Variants in GRM5 observed in about 807,000 individuals in gnomAD.
GRM5 encodes the protein metabotropic glutamate receptor 5.
A neutral mutation model predicts 83.1 loss-of-function variants in GRM5; 19 were observed. The ratio of observed to expected loss-of-function variants is 0.23; its 90% CI spans 0.16 to 0.34. The LOEUF (loss-of-function observed/expected upper bound fraction) is 0.34. Ranked by LOEUF, GRM5 falls within the 10% of genes least tolerant of loss-of-function variation. The pLI, the probability that GRM5 is intolerant of heterozygous loss-of-function variation, is 1.00. For missense variants in GRM5, 1,160 were observed against 1,588.3 expected, an observed-to-expected ratio of 0.73 and a Z score of 4.58; for synonymous variants, 675 against 633.6, an observed-to-expected ratio of 1.07 and a Z score of -0.98.
intron 3 of GRM5, among the ~76,000 whole-genome samples, chr11:88,661,377 T>C (rs1939901092): frequency 6.6e-6 from 1 of 152,150 alleles, no homozygotes; most frequent in South Asian, 2.1e-4. Context: ...GCTGAGTTGA[T>C]TCCCCCGTGC....
chr11:88,877,952 A>T (rs992156057), intron 2 of GRM5, among the ~76,000 whole-genome samples: 2 of 152,134 alleles, frequency 1.3e-5, no homozygotes, highest in African/African-American at 4.8e-5. Flanking sequence ...ACATGTATAC[A>T]TATGTAACTA....
In GRM5 at chr11:88,630,803, C is replaced by T. The variant is rs111406777; in HGVS notation, c.1147+22365G>A. Among the ~76,000 whole-genome samples, 563 of 152,254 alleles carry T rather than the reference C, an allele frequency of 3.7e-3. 7 individuals are homozygous for T. The highest frequency in any genetic ancestry group is 0.013 in the African/African-American group (533 of 41,542). ...ATGTTGGTCAGGCTGGTCTCGAACT[C>T]GTGACCTCAGGTGATTTGCCCACCT... is the stretch of plus-strand genomic sequence containing the variant. On this transcript the variant is annotated intron_variant, in intron 4 of 9. Coordinates refer to ENST00000305447, the MANE Select transcript of GRM5 (RefSeq NM_001143831.3).
At position 88,865,494 on chromosome 11, in the gene GRM5, G is replaced by A. The variant is rs573852359; in HGVS notation, c.662-15339C>T. On this transcript the variant is annotated intron_variant, in intron 2 of 9. Transcript: ENST00000305447. ...CTAGGCAATACCATTCAGGACATAGGCATGGGCAAAGACTTCATGACTAAA... is the reference window on the plus strand; with the variant it reads ...CTAGGCAATACCATTCAGGACATAGACATGGGCAAAGACTTCATGACTAAA... Among the ~76,000 whole-genome samples, 35 of 152,214 alleles carry A rather than the reference G, an allele frequency of 2.3e-4. No homozygotes were observed. The South Asian group carries it at 7.0e-3, about 31-fold the overall frequency.
chr11:88,573,291 T>C (rs1489272261), intron 7 of GRM5, among the ~76,000 whole-genome samples: 1 of 152,200 alleles, frequency 6.6e-6, no homozygotes, highest in Non-Finnish European at 1.5e-5. Context: ...GAATGGATGA[T>C]CTACTGATTT....
intron 3 of GRM5, among the ~76,000 whole-genome samples, chr11:88,841,830 T>A (rs1362892848): frequency 6.6e-6 from 1 of 152,136 alleles, no homozygotes; most frequent in African/African-American, 2.4e-5. Flanking sequence ...GATAAAAAAA[T>A]GTGCAATAAT....
chr11:88,681,983 A>G (rs1565184541), intron 3 of GRM5, among the ~76,000 whole-genome samples: 1 of 152,168 alleles, frequency 6.6e-6, no homozygotes, highest in Non-Finnish European at 1.5e-5. Context: ...CACCGACTAT[A>G]CTACCACACA....
intron 3 of GRM5, among the ~76,000 whole-genome samples, chr11:88,818,468 T>A (rs2135506302): frequency 6.6e-6 from 1 of 152,258 alleles, no homozygotes; most frequent in African/African-American, 2.4e-5. Context: ...AGCAGAATGA[T>A]GAATACATCT....
At chr11:88,975,744 A>C (rs1188386043) in intron 2 of GRM5, among the ~76,000 whole-genome samples, 1 of 152,166 alleles carries the variant, frequency 6.6e-6, no homozygotes, top group East Asian at 1.9e-4. Flanking sequence ...ATTATATAAC[A>C]TGTTGTTTCA....
rs1937791567 is a variant in GRM5, at chr11:88,595,971, C to G, written c.1563+1213G>C. ...AGCTTCAACTTTAACTCTATTCAAT[C>G]AATTCCTAAATCTGTATTCTTAGCT... On this transcript the variant is annotated intron_variant, in intron 6 of 9. Transcript: ENST00000305447. Among the ~76,000 whole-genome samples, 5 of 152,128 alleles carry G rather than the reference C, an allele frequency of 3.3e-5. No homozygotes were observed. The South Asian group carries it at 1.0e-3, about 32-fold the overall frequency.
chr11:88,823,922 CTT>C (rs1457934954), intron 3 of GRM5, among the ~76,000 whole-genome samples: 1 of 152,114 alleles, frequency 6.6e-6, no homozygotes, highest in African/African-American at 2.4e-5. Flanking sequence ...CTTAAACAAA[CTT>C]TTTATTATTC....
At chr11:88,937,783 G>A (rs566709456) in intron 2 of GRM5, among the ~76,000 whole-genome samples, 78 of 151,722 alleles carry the variant, frequency 5.1e-4, no homozygotes, top group African/African-American at 1.9e-3. Flanking sequence ...AATTAGAAGA[G>A]GTGTTTGTTA....
At chr11:89,042,566 G>A (rs1037692442) in intron 2 of GRM5, among the ~76,000 whole-genome samples, 1 of 152,096 alleles carries the variant, frequency 6.6e-6, no homozygotes, top group African/African-American at 2.4e-5. Context: ...CCCAAAATTT[G>A]TTTTAACTCT....
At chr11:88,815,979 C>T (rs947416662) in intron 3 of GRM5, among the ~76,000 whole-genome samples, 1 of 149,976 alleles carries the variant, frequency 6.7e-6, no homozygotes, top group Non-Finnish European at 1.5e-5. Flanking sequence ...TTTGGGAGGC[C>T]GAGGCGGGTG....
chr11:88,692,378 A>G (rs1031008064), intron 3 of GRM5, among the ~76,000 whole-genome samples: 2 of 152,208 alleles, frequency 1.3e-5, no homozygotes, highest in Non-Finnish European at 2.9e-5. Context: ...AGATGCATTA[A>G]TGGATGAATG....
At chr11:88,900,719 G>A (rs1303701203) in intron 2 of GRM5, among the ~76,000 whole-genome samples, 2 of 152,040 alleles carry the variant, frequency 1.3e-5, no homozygotes, top group African/African-American at 4.8e-5. Context: ...AGATGGCTAG[G>A]ACTTAGTTTC....
chr11:89,021,568 G>T (rs1394905255), intron 2 of GRM5, among the ~76,000 whole-genome samples: 1 of 152,188 alleles, frequency 6.6e-6, no homozygotes, highest in Non-Finnish European at 1.5e-5. Context: ...GTTTTCAAGT[G>T]CAGGCAGTCA....
intron 2 of GRM5, among the ~76,000 whole-genome samples, chr11:89,046,663 A>T (rs2135150013): frequency 6.6e-6 from 1 of 152,364 alleles, no homozygotes. Context: ...GGATAAAATT[A>T]ATTTATTCTT....
chr11:88,895,035 C>G (rs759846700), intron 2 of GRM5, among the ~76,000 whole-genome samples: 7 of 151,862 alleles, frequency 4.6e-5, no homozygotes, highest in Non-Finnish European at 1.0e-4. Context: ...AGAGAGTAGA[C>G]AACAGTGGTA....
At chr11:88,516,149 G>A (rs1941514930) in intron 9 of GRM5, among the ~76,000 whole-genome samples, 1 of 152,210 alleles carries the variant, frequency 6.6e-6, no homozygotes, top group South Asian at 2.1e-4. Flanking sequence ...TAGTGCAGAG[G>A]AGTGTTAGTG....
Sources: allele counts gnomAD v4.1 joint callset (sites outside exome capture counted in the v4.1 genomes callset), GRCh38; gene constraint gnomAD v4.1.1; transcripts MANE v1.5; gene names NCBI Gene and HGNC (gene_info 2026-07-23, HGNC 2026-07-21).